Variants in SLC35H1 observed in about 807,000 individuals in gnomAD.
The protein encoded by SLC35H1 is ovarian cancer-overexpressed gene 1 protein.
chr20:46,355,408 T>G, the SLC35H1 span: 1 of 732,742 alleles, frequency 1.4e-6, no homozygotes, highest in Non-Finnish European at 2.2e-6. This position sits in a 1 kb window ranked among gnomAD's most constrained non-coding sequence, Gnocchi z 4.8. Flanking sequence ...TGCCCACCAA[T>G]GTCAGCATGT....
At chr20:46,354,007 G>A in the SLC35H1 span, among the ~76,000 whole-genome samples, 18 of 152,060 alleles carry the variant, frequency 1.2e-4, no homozygotes, top group Admixed American at 7.9e-4. Flanking sequence ...CATTACAGAC[G>A]GGACTCTGGG....
chr20:46,350,461 C>G, the SLC35H1 span: 2 of 1,613,416 alleles, frequency 1.2e-6, no homozygotes, highest in Non-Finnish European at 1.7e-6. Context: ...CTGGCTGCTC[C>G]GGAGCAGCAG....
chr20:46,352,791 G>C, the SLC35H1 span: 1 of 154,846 alleles, frequency 6.5e-6, no homozygotes, highest in Admixed American at 6.3e-5. Flanking sequence ...GGGATGATGG[G>C]GATCCTAGCG....
At chr20:46,354,911 C>A in the SLC35H1 span, 1 of 1,612,236 alleles carries the variant, frequency 6.2e-7, no homozygotes, top group Non-Finnish European at 8.5e-7. Context: ...AGGGAAGAGC[C>A]CCAGGAACAT....
At chr20:46,361,702 A>C in the SLC35H1 span, among the ~76,000 whole-genome samples, 1 of 152,182 alleles carries the variant, frequency 6.6e-6, no homozygotes, top group Non-Finnish European at 1.5e-5. Flanking sequence ...GTGATACCCA[A>C]GAAATGTCTC....
chr20:46,350,706 G>A, the SLC35H1 span: 1 of 1,577,864 alleles, frequency 6.3e-7, no homozygotes, highest in East Asian at 2.3e-5. Flanking sequence ...GAATCACTAA[G>A]AGTCACAGGG....
chr20:46,348,539 G>T, the SLC35H1 span: 1 of 152,232 alleles, frequency 6.6e-6, no homozygotes, highest in Non-Finnish European at 1.5e-5. Flanking sequence ...GGAATCCAAG[G>T]GGGGCAGAGG....
chr20:46,361,659 A>G, the SLC35H1 span, among the ~76,000 whole-genome samples: 13 of 152,124 alleles, frequency 8.5e-5, no homozygotes, highest in Admixed American at 4.6e-4. Flanking sequence ...TACCCACCAG[A>G]CACCTGTCAC....
the SLC35H1 span, chr20:46,357,781 G>A: frequency 6.2e-7 from 1 of 1,613,886 alleles, no homozygotes; most frequent in Non-Finnish European, 8.5e-7. Context: ...GCTCTGTATG[G>A]AGCCCAAAGC....
the SLC35H1 span, among the ~76,000 whole-genome samples, chr20:46,351,067 C>T: frequency 6.6e-6 from 1 of 152,232 alleles, no homozygotes; most frequent in Non-Finnish European, 1.5e-5. Context: ...GGCGCTGTCC[C>T]GCCAGCCTCC....
chr20:46,346,908 ATC>A, the SLC35H1 span: 3 of 146,658 alleles, frequency 2.0e-5, no homozygotes, highest in Admixed American at 1.4e-4. Flanking sequence ...AAAAAAAAGC[ATC>A]TGTTAAGTGC....
At chr20:46,350,152 T>G in the SLC35H1 span, 1 of 358,790 alleles carries the variant, frequency 2.8e-6, no homozygotes, top group Middle Eastern at 7.5e-4. Flanking sequence ...CCTCTCCTGC[T>G]GCGATTCCAG....
the SLC35H1 span, chr20:46,356,550 C>A: frequency 6.2e-7 from 1 of 1,613,226 alleles, no homozygotes; most frequent in Non-Finnish European, 8.5e-7. Flanking sequence ...TGAAGGGAGG[C>A]AGCAGGGCAT....
the SLC35H1 span, chr20:46,363,122 CCTT>C: frequency 6.6e-6 from 1 of 152,278 alleles, no homozygotes; most frequent in African/African-American, 2.4e-5. Flanking sequence ...CTAGAAAAAA[CCTT>C]CTCTTGGGTG....
the SLC35H1 span, chr20:46,355,671 A>G: frequency 1.5e-6 from 2 of 1,355,540 alleles, no homozygotes; most frequent in Non-Finnish European, 2.0e-6. This position sits in a 1 kb window ranked among gnomAD's most constrained non-coding sequence, Gnocchi z 4.8. Flanking sequence ...CCTTCTCAGA[A>G]AGGGATCTAC....
chr20:46,355,740 C>A, the SLC35H1 span: 1 of 1,610,780 alleles, frequency 6.2e-7, no homozygotes, highest in Admixed American at 1.7e-5. The surrounding 1 kb of genome is among the most constrained non-coding windows in gnomAD (Gnocchi z 4.8). Flanking sequence ...ACTGCTCAGA[C>A]TCCCACTTTA....
chr20:46,349,805 C>G, the SLC35H1 span: 1 of 152,190 alleles, frequency 6.6e-6, no homozygotes, highest in Non-Finnish European at 1.5e-5. Flanking sequence ...GACTGGTGTT[C>G]TAACAGGAGC....
chr20:46,363,497 C>T, the SLC35H1 span, among the ~76,000 whole-genome samples: 3 of 152,234 alleles, frequency 2.0e-5, no homozygotes, highest in African/African-American at 7.2e-5. Context: ...CAGCATAATA[C>T]ACTTGGTTAC....
chr20:46,361,843 C>T, the SLC35H1 span, among the ~76,000 whole-genome samples: 1 of 152,250 alleles, frequency 6.6e-6, no homozygotes. Context: ...ACTCTTCCCT[C>T]ATGGCTCCTC....
Sources: gnomAD v4.1 joint callset for allele counts (sites outside exome capture counted in the v4.1 genomes callset) on GRCh38, gnomAD v4.1.1 for gene constraint, Gnocchi (gnomAD v3.1) non-coding constraint, MANE v1.5 for transcripts, NCBI Gene and HGNC (gene_info 2026-07-23, HGNC 2026-07-21) for gene names.